Variants in HSD17B12 observed in about 807,000 individuals in gnomAD.
HSD17B12 encodes very-long-chain 3-oxoacyl-CoA reductase.
Under a neutral mutation model 39.3 loss-of-function variants are expected in HSD17B12, and 32 were observed. The observed-to-expected ratio is 0.81, with a 90% confidence interval of 0.61 to 1.09. HSD17B12 has a LOEUF of 1.09. Ranked by LOEUF, HSD17B12 falls within the 50% of genes least tolerant of loss-of-function variation. The pLI, the probability that HSD17B12 is intolerant of heterozygous loss-of-function variation, is 0.00. For synonymous variants in HSD17B12, 150 were observed against 146.7 expected (o/e 1.02, Z -0.16); for missense variants, 342 against 382.9 (o/e 0.89, Z 0.89).
chr11:43,780,820 C>G (rs1950757889), intron 3 of HSD17B12, among the ~76,000 whole-genome samples: 1 of 152,202 alleles, frequency 6.6e-6, no homozygotes, highest in African/African-American at 2.4e-5. Flanking sequence ...CTTCCTGCAC[C>G]TTTCCCCAAG....
At chr11:43,845,403 A>G (rs559251274) in intron 9 of HSD17B12, among the ~76,000 whole-genome samples, 1 of 152,304 alleles carries the variant, frequency 6.6e-6, no homozygotes, top group East Asian at 1.9e-4. Flanking sequence ...AATATTCTTT[A>G]TCCTCTCCTC....
intron 1 of HSD17B12, among the ~76,000 whole-genome samples, chr11:43,705,629 C>G (rs1408721146): frequency 6.6e-6 from 1 of 151,978 alleles, no homozygotes; most frequent in African/African-American, 2.4e-5. Flanking sequence ...GGGGTATCAT[C>G]TTAACTCTGC....
At chr11:43,695,921 T>G (rs929474362) in intron 1 of HSD17B12, among the ~76,000 whole-genome samples, 1 of 152,204 alleles carries the variant, frequency 6.6e-6, no homozygotes, top group Non-Finnish European at 1.5e-5. Context: ...CATGGAATTT[T>G]GTTTTACATA....
At chr11:43,840,140 A>G in intron 9 of HSD17B12, 76 bp downstream of exon 9, 2 of 1,194,558 alleles carry the variant, frequency 1.7e-6, no homozygotes, top group Non-Finnish European at 2.4e-6. Flanking sequence ...TCTTGGCAAT[A>G]ACAAAAAAAA....
At chr11:43,796,095 T>C (rs1950913538) in intron 3 of HSD17B12, among the ~76,000 whole-genome samples, 1 of 152,148 alleles carries the variant, frequency 6.6e-6, no homozygotes, top group South Asian at 2.1e-4. Flanking sequence ...TAGGATCCCC[T>C]ATGGCTAGAA....
intron 3 of HSD17B12, among the ~76,000 whole-genome samples, chr11:43,759,216 C>T (rs1465121043): frequency 2.6e-5 from 4 of 152,016 alleles, no homozygotes; most frequent in East Asian, 1.9e-4. Context: ...CTCTCACCTT[C>T]GAAATCTGTC....
the HSD17B12 span, among the ~76,000 whole-genome samples, chr11:43,571,184 G>C: frequency 6.6e-6 from 1 of 152,328 alleles, no homozygotes; most frequent in South Asian, 2.1e-4. Flanking sequence ...TTGTGATTGA[G>C]CTATCTCTCT....
intron 5 of HSD17B12, 35 bp from the exon 6 acceptor site, chr11:43,816,312 C>T: frequency 7.0e-7 from 1 of 1,425,784 alleles, no homozygotes. Context: ...CTTTCATGAT[C>T]AAGTGTATAT....
chr11:43,579,682 GA>G, the HSD17B12 span, among the ~76,000 whole-genome samples: 2 of 152,146 alleles, frequency 1.3e-5, no homozygotes, highest in Admixed American at 1.3e-4. Context: ...CGGGCGCGCA[GA>G]CGCTCGGAGG....
chr11:43,768,770 C>T (rs1184434601), intron 3 of HSD17B12, among the ~76,000 whole-genome samples: 1 of 152,160 alleles, frequency 6.6e-6, no homozygotes, highest in Non-Finnish European at 1.5e-5. Context: ...GAGCGGGTTG[C>T]CGTGGCTGGC....
intron 1 of HSD17B12, among the ~76,000 whole-genome samples, chr11:43,703,419 C>T (rs1461790124): frequency 2.0e-5 from 3 of 152,168 alleles, no homozygotes; most frequent in African/African-American, 4.8e-5. Flanking sequence ...TGGTCTCGAT[C>T]TCCCGACCTC....
chr11:43,579,701 C>G, the HSD17B12 span, among the ~76,000 whole-genome samples: 2 of 152,054 alleles, frequency 1.3e-5, no homozygotes, highest in Admixed American at 1.3e-4. Flanking sequence ...AGGGTGTGTG[C>G]TTGCGTCTGT....
intron 3 of HSD17B12, among the ~76,000 whole-genome samples, chr11:43,774,099 T>C (rs1950675459): frequency 1.3e-5 from 2 of 152,202 alleles, no homozygotes; most frequent in South Asian, 2.1e-4. Flanking sequence ...ACATGCCCCA[T>C]GTAAAGGTGT....
intron 1 of HSD17B12, among the ~76,000 whole-genome samples, chr11:43,702,229 T>A (rs981918128): frequency 6.6e-6 from 1 of 152,208 alleles, no homozygotes; most frequent in Non-Finnish European, 1.5e-5. Flanking sequence ...AGTTTTCTCA[T>A]GGAGTCCTTT....
chr11:43,758,044 C>T (rs7928803), intron 3 of HSD17B12, among the ~76,000 whole-genome samples: 6,821 of 152,138 alleles, frequency 0.045, 432 homozygotes, highest in African/African-American at 0.14. Context: ...ATTTATGGCC[C>T]CCCAGTCTCA....
rs979312862 is a variant in HSD17B12, at chr11:43,824,720, G to A, written c.502-6256G>A. 2.0e-5 allele frequency among the ~76,000 whole-genome samples: 3 copies of A among 152,192 alleles called. No individual in the cohort carries two copies. The East Asian group carries it at 5.8e-4, about 29-fold the overall frequency. The stretch of plus-strand genomic sequence containing the variant: ...CAAGTTTTGGAGGGGTGGAGGTTGG[G>A]CGCAGCGGCTCACGCCTGTAATCCC... On this transcript the variant is annotated intron_variant, in intron 6 of 10. Transcript: ENST00000278353.
the HSD17B12 span, among the ~76,000 whole-genome samples, chr11:43,641,283 A>G: frequency 6.6e-6 from 1 of 151,946 alleles, no homozygotes; most frequent in African/African-American, 2.4e-5. Flanking sequence ...AGCCTGAATA[A>G]GAGGATTCCC....
At chr11:43,805,825 C>T (rs567503130) in intron 4 of HSD17B12, among the ~76,000 whole-genome samples, 4 of 151,990 alleles carry the variant, frequency 2.6e-5, no homozygotes, top group Admixed American at 2.6e-4. Flanking sequence ...ATGCTAGCTG[C>T]AAGTTTGGAG....
At chr11:43,839,368 C>T (rs1465202276) in intron 8 of HSD17B12, among the ~76,000 whole-genome samples, 3 of 152,142 alleles carry the variant, frequency 2.0e-5, no homozygotes, top group Admixed American at 1.3e-4. Flanking sequence ...ATCTGTTCTA[C>T]TCCATGGCTA....
Sources: gnomAD v4.1 joint callset for allele counts (sites outside exome capture counted in the v4.1 genomes callset) on GRCh38, gnomAD v4.1.1 for gene constraint, MANE v1.5 for transcripts, NCBI Gene and HGNC (gene_info 2026-07-23, HGNC 2026-07-21) for gene names.